DPH6: variants seen among roughly 807,000 people sequenced by gnomAD.
The protein encoded by DPH6 is diphthine--ammonia ligase.
In DPH6, 33 loss-of-function variants were observed where a neutral mutation model predicts 38.2. That is an observed-to-expected ratio of 0.86 (90% CI 0.65 to 1.15). The LOEUF (loss-of-function observed/expected upper bound fraction) is 1.15. Among genes scored for constraint, DPH6 ranks in the 50% most tolerant of loss-of-function variants. The pLI is 0.00. For missense variants in DPH6, 325 were observed against 320.0 expected (o/e 1.02, Z -0.12); for synonymous variants, 108 against 103.0 (o/e 1.05, Z -0.30).
At chr15:35,440,096 A>C (rs1011777172) in intron 5 of DPH6, among the ~76,000 whole-genome samples, 2 of 152,208 alleles carry the variant, frequency 1.3e-5, no homozygotes, top group African/African-American at 4.8e-5. Flanking sequence ...ACCAACCAGC[A>C]ATCTCTGGCT....
intron 3 of DPH6, among the ~76,000 whole-genome samples, chr15:35,312,011 A>C (rs2052146362): frequency 2.0e-3 from 4 of 1,978 alleles, no homozygotes; most frequent in African/African-American, 5.2e-3. Context: ...TAAGAAAATG[A>C]AAAAAAAAAA....
At chr15:35,413,309 G>A (rs2053393011) in intron 5 of DPH6, among the ~76,000 whole-genome samples, 3 of 151,252 alleles carry the variant, frequency 2.0e-5, no homozygotes. Flanking sequence ...TGTTAATTTT[G>A]TTGTTCACAT....
the DPH6 span, among the ~76,000 whole-genome samples, chr15:35,188,526 T>C: frequency 6.6e-6 from 1 of 152,198 alleles, no homozygotes; most frequent in East Asian, 1.9e-4. Context: ...TGTGGCCCTC[T>C]TCCAAATGTA....
chr15:35,381,718 C>T lies in DPH6; in HGVS notation c.662+104G>A, dbSNP rs1327793286. On this transcript the variant is annotated intron_variant, in intron 7 of 8. Transcript: ENST00000256538. ...ATTGAGTGTTTGTGAACTTAGAAGA[C>T]ATGTTCTATTTTTCCCAACAAAAGT... 1.3e-4 allele frequency: 103 copies of T among 814,270 alleles called. 1 individual carries two copies. In the South Asian group the frequency reaches 1.5e-3, roughly 11 times the overall value. 50.4% of individuals were successfully genotyped at this position (814,270 alleles called of 1,614,324 possible). A position where few individuals can be genotyped will look rare whatever the true frequency, so the allele number is the denominator to read the frequency against.
chr15:35,511,420 C>A (rs187374259), intron 3 of DPH6, among the ~76,000 whole-genome samples: 1 of 151,668 alleles, frequency 6.6e-6, no homozygotes, highest in Non-Finnish European at 1.5e-5. Context: ...TGCATACATA[C>A]ACACATGTGA....
At chr15:35,285,872 GTTTTT>G (rs67243158) in intron 3 of DPH6, among the ~76,000 whole-genome samples, 2 of 52,794 alleles carry the variant, frequency 3.8e-5, no homozygotes, top group East Asian at 5.9e-4. Context: ...TTATCTTTGA[GTTTTT>G]TTTTTTTTTT....
intron 3 of DPH6, among the ~76,000 whole-genome samples, chr15:35,531,834 A>G (rs989131303): frequency 1.3e-5 from 2 of 152,110 alleles, no homozygotes; most frequent in African/African-American, 2.4e-5. Context: ...ATATTCTTTT[A>G]AGAGCCTCCA....
At chr15:35,298,404 T>A (rs1034995319) in intron 3 of DPH6, 31 of 735,640 alleles carry the variant, frequency 4.2e-5, no homozygotes, top group Non-Finnish European at 7.4e-5. Flanking sequence ...TACTGCTTCA[T>A]CATCAGGGGC....
chr15:35,499,129 A>G (rs2054593577), intron 3 of DPH6, among the ~76,000 whole-genome samples: 1 of 151,860 alleles, frequency 6.6e-6, no homozygotes, highest in Non-Finnish European at 1.5e-5. Flanking sequence ...ATACTTTTCC[A>G]TTTTTCTAAA....
the DPH6 span, among the ~76,000 whole-genome samples, chr15:35,200,810 A>G: frequency 1.3e-5 from 2 of 151,840 alleles, no homozygotes; most frequent in African/African-American, 4.8e-5. Context: ...TTATGTAAAA[A>G]ATACTTAATA....
chr15:35,319,054 C>G (rs566717666), intron 3 of DPH6, among the ~76,000 whole-genome samples: 2 of 152,306 alleles, frequency 1.3e-5, no homozygotes, highest in Admixed American at 1.3e-4. Flanking sequence ...ACTAACTATA[C>G]TGTCCAGTGC....
intron 3 of DPH6, chr15:35,521,384 T>C (rs2054921265): frequency 1.9e-6 from 2 of 1,059,758 alleles, no homozygotes; most frequent in African/African-American, 1.7e-5. Context: ...ATAGACTATA[T>C]CATCTAAAGA....
At chr15:35,293,342 T>C (rs2051992299) in intron 3 of DPH6, among the ~76,000 whole-genome samples, 1 of 152,228 alleles carries the variant, frequency 6.6e-6, no homozygotes, top group Non-Finnish European at 1.5e-5. Flanking sequence ...AAACCGGAAC[T>C]ATTTTCTTTA....
chr15:35,287,587 A>T (rs1018434298), intron 3 of DPH6, among the ~76,000 whole-genome samples: 11 of 152,180 alleles, frequency 7.2e-5, no homozygotes, highest in Non-Finnish European at 1.3e-4. Flanking sequence ...ATAAAACCTA[A>T]TTCTACAATT....
intron 6 of DPH6, among the ~76,000 whole-genome samples, chr15:35,409,428 C>T (rs1240372842): frequency 6.6e-6 from 1 of 151,910 alleles, no homozygotes; most frequent in Non-Finnish European, 1.5e-5. Context: ...ATGATTTCTG[C>T]ATTTTGTGTT....
chr15:35,433,288 C>G lies in DPH6; in HGVS notation c.505+17397G>C, dbSNP rs2053654744. 3.9e-5 allele frequency among the ~76,000 whole-genome samples: 6 copies of G among 152,130 alleles called. 1 individual carries two copies. The South Asian group carries it at 1.2e-3, about 32-fold the overall frequency. ...TGATAGCAATTGATATACACACCAA[C>G]AAGTATAGGCAAGGATACAAACTTG... On this transcript the variant is annotated intron_variant, in intron 5 of 8. Coordinates refer to ENST00000256538, the MANE Select transcript of DPH6 (RefSeq NM_080650.4).
intron 3 of DPH6, among the ~76,000 whole-genome samples, chr15:35,231,777 T>C (rs2051519725): frequency 2.0e-5 from 3 of 152,052 alleles, no homozygotes; most frequent in African/African-American, 7.2e-5. Flanking sequence ...TTACTTATGG[T>C]GGCAGGGAAG....
intron 6 of DPH6, among the ~76,000 whole-genome samples, chr15:35,406,491 G>C (rs2053295708): frequency 6.6e-6 from 1 of 151,890 alleles, no homozygotes; most frequent in African/African-American, 2.4e-5. Flanking sequence ...ACTGACAAGG[G>C]GCAAGACAGG....
At chr15:35,404,238 T>C (rs2053260320) in intron 6 of DPH6, among the ~76,000 whole-genome samples, 1 of 152,152 alleles carries the variant, frequency 6.6e-6, no homozygotes, top group South Asian at 2.1e-4. Flanking sequence ...TTTGGGTATA[T>C]ATCTAGCAGT....
Sources: allele counts gnomAD v4.1 joint callset (sites outside exome capture counted in the v4.1 genomes callset), GRCh38; gene constraint gnomAD v4.1.1; transcripts MANE v1.5; gene names NCBI Gene and HGNC (gene_info 2026-07-23, HGNC 2026-07-21).